LRMDA: variants seen among roughly 807,000 people sequenced by gnomAD.
LRMDA encodes the protein leucine rich melanocyte differentiation associated.
A neutral mutation model predicts 29.8 loss-of-function variants in LRMDA; 18 were observed. That is an observed-to-expected ratio of 0.60 (90% CI 0.42 to 0.90). LRMDA has a LOEUF of 0.90. LRMDA is among the 40% of genes least tolerant of loss of function. The pLI, the probability that LRMDA is intolerant of heterozygous loss-of-function variation, is 0.00. For synonymous variants in LRMDA, 125 were observed against 109.4 expected, an observed-to-expected ratio of 1.14 and a Z score of -0.89; for missense variants, 273 against 273.9, an observed-to-expected ratio of 1.00 and a Z score of 0.02.
At chr10:75,839,700 CTTTTTTTTTTTTTTTT>C (rs1160178913) in intron 2 of LRMDA, among the ~76,000 whole-genome samples, 10 of 82,782 alleles carry the variant, frequency 1.2e-4, no homozygotes, top group Non-Finnish European at 2.0e-4. Flanking sequence ...ATCCGACTTT[CTTTTTTTTTTTTTTTT>C]TTTTTTTTTT....
chr10:76,508,472 T>C (rs1327527077), intron 6 of LRMDA, among the ~76,000 whole-genome samples: 1 of 152,194 alleles, frequency 6.6e-6, no homozygotes, highest in Admixed American at 6.5e-5. Context: ...ATTTATAACA[T>C]TGTGGTCTCA....
intron 6 of LRMDA, among the ~76,000 whole-genome samples, chr10:76,344,082 A>G (rs1841074027): frequency 6.6e-6 from 1 of 152,014 alleles, no homozygotes; most frequent in African/African-American, 2.4e-5. Context: ...TCAGCCTCCC[A>G]AAGTGCTGGG....
intron 5 of LRMDA, among the ~76,000 whole-genome samples, chr10:76,225,881 C>T (rs1258375757): frequency 7.9e-6 from 1 of 125,826 alleles, no homozygotes; most frequent in Non-Finnish European, 1.6e-5. Context: ...CCCCCCTCCC[C>T]CCACCCCACA....
At chr10:75,796,383 G>C (rs1207563075) in intron 2 of LRMDA, among the ~76,000 whole-genome samples, 1 of 151,972 alleles carries the variant, frequency 6.6e-6, no homozygotes, top group South Asian at 2.1e-4. Context: ...ATCATGAATG[G>C]GTATTGACTT....
chr10:76,419,411 A>G (rs1842051112), intron 6 of LRMDA, among the ~76,000 whole-genome samples: 1 of 152,018 alleles, frequency 6.6e-6, no homozygotes, highest in Non-Finnish European at 1.5e-5. Flanking sequence ...TCATGTTATC[A>G]CTTGATAGCA....
chr10:76,437,373 G>C (rs963785006), intron 6 of LRMDA: 1 of 152,192 alleles, frequency 6.6e-6, no homozygotes, highest in Non-Finnish European at 1.5e-5. Flanking sequence ...AGGTTAAAGA[G>C]ATATCTGTTG....
At chr10:75,803,444 C>T (rs1177619555) in intron 2 of LRMDA, among the ~76,000 whole-genome samples, 4 of 152,162 alleles carry the variant, frequency 2.6e-5, no homozygotes, top group South Asian at 2.1e-4. Flanking sequence ...CAAGTCCTGC[C>T]GGGAGACTGT....
At chr10:75,932,732 ATGT>A (rs1846227363) in intron 2 of LRMDA, among the ~76,000 whole-genome samples, 1 of 152,172 alleles carries the variant, frequency 6.6e-6, no homozygotes, top group South Asian at 2.1e-4. Flanking sequence ...ACATAAAATC[ATGT>A]TGTTTATTCC....
chr10:75,786,038 C>T (rs1477797924), intron 2 of LRMDA, among the ~76,000 whole-genome samples: 1 of 152,172 alleles, frequency 6.6e-6, no homozygotes, highest in Non-Finnish European at 1.5e-5. Flanking sequence ...GCCCACTAGA[C>T]ATTGTGAGGG....
At chr10:75,556,374 C>T (rs1840213639) in intron 2 of LRMDA, among the ~76,000 whole-genome samples, 1 of 152,078 alleles carries the variant, frequency 6.6e-6, no homozygotes, top group African/African-American at 2.4e-5. Context: ...TAGGAAAAAC[C>T]AGAAAACTCT....
chr10:76,130,490 T>A (rs73285236), intron 5 of LRMDA, among the ~76,000 whole-genome samples: 4,523 of 152,102 alleles, frequency 0.03, 230 homozygotes, highest in African/African-American at 0.1. Context: ...ACGTAGACTT[T>A]AAAAAAAAGA....
chr10:76,090,227 G>A (rs1241862428), intron 5 of LRMDA, among the ~76,000 whole-genome samples: 1 of 152,222 alleles, frequency 6.6e-6, no homozygotes, highest in Non-Finnish European at 1.5e-5. Context: ...CTGGATTAGA[G>A]GGAAGGCTTG....
intron 6 of LRMDA, among the ~76,000 whole-genome samples, chr10:76,410,142 A>T (rs975662587): frequency 6.6e-6 from 1 of 152,004 alleles, no homozygotes; most frequent in African/African-American, 2.4e-5. Flanking sequence ...TTGGCCAGAG[A>T]TCATTGTGGG....
intron 5 of LRMDA, among the ~76,000 whole-genome samples, chr10:76,086,114 C>G (rs1849130621): frequency 6.6e-6 from 1 of 152,184 alleles, no homozygotes; most frequent in Admixed American, 6.5e-5. Context: ...TGATTTTTTT[C>G]TAGTTCCTCG....
intron 2 of LRMDA, among the ~76,000 whole-genome samples, chr10:76,023,406 C>T (rs1848010259): frequency 2.0e-5 from 3 of 152,140 alleles, no homozygotes; most frequent in Admixed American, 2.0e-4. Context: ...AGATTTCATA[C>T]TTGAGGCTTG....
chr10:75,498,558 T>C (rs1845075875), intron 2 of LRMDA, among the ~76,000 whole-genome samples: 1 of 152,232 alleles, frequency 6.6e-6, no homozygotes, highest in East Asian at 1.9e-4. Context: ...CATCCAGCCC[T>C]GTGTCACAAC....
intron 5 of LRMDA, among the ~76,000 whole-genome samples, chr10:76,299,517 T>C (rs1410687653): frequency 6.6e-6 from 1 of 152,014 alleles, no homozygotes; most frequent in Non-Finnish European, 1.5e-5. Context: ...GTGGAATCCG[T>C]GCTCCCTTCC....
intron 2 of LRMDA, among the ~76,000 whole-genome samples, chr10:75,647,948 G>A (rs1230447530): frequency 6.6e-6 from 1 of 151,978 alleles, no homozygotes; most frequent in Admixed American, 6.5e-5. Context: ...TGGTTTGCCT[G>A]AAGATGGGGT....
chr10:75,847,174 C>T (rs1844653024), intron 2 of LRMDA, among the ~76,000 whole-genome samples: 2 of 152,134 alleles, frequency 1.3e-5, no homozygotes, highest in South Asian at 4.2e-4. Context: ...ACAATTGGAA[C>T]CAAATACAGA....
Sources: allele counts gnomAD v4.1 joint callset (sites outside exome capture counted in the v4.1 genomes callset), GRCh38; gene constraint gnomAD v4.1.1; transcripts MANE v1.5; gene names NCBI Gene and HGNC (gene_info 2026-07-23, HGNC 2026-07-21).